Variants in NELL1 observed in about 807,000 individuals in gnomAD.
NELL1 encodes neural EGFL like 1.
In NELL1, 76 loss-of-function variants were observed where a neutral mutation model predicts 107.4. That is an observed-to-expected ratio of 0.71 (90% confidence interval 0.59 to 0.86). The LOEUF (loss-of-function observed/expected upper bound fraction) is 0.86, where lower values mean the gene tolerates loss of function less well. NELL1 is among the 40% of genes least tolerant of loss of function. The pLI, the probability that NELL1 is intolerant of heterozygous loss-of-function variation, is 0.00. For missense variants in NELL1, 1,024 were observed against 1,005.5 expected (o/e 1.02, Z -0.25); for synonymous variants, 353 against 341.2 (o/e 1.03, Z -0.38).
At chr11:21,149,410 G>A (rs971905492) in intron 13 of NELL1, among the ~76,000 whole-genome samples, 4 of 152,340 alleles carry the variant, frequency 2.6e-5, no homozygotes, top group East Asian at 1.9e-4. Flanking sequence ...ATGGTGGAAG[G>A]CAAAGGAGGA....
intron 3 of NELL1, among the ~76,000 whole-genome samples, chr11:20,814,207 G>A (rs1468451168): frequency 1.3e-5 from 2 of 152,094 alleles, no homozygotes; most frequent in Non-Finnish European, 1.5e-5. Context: ...TGTTAGCCAG[G>A]ATGGTCTCGA....
At chr11:21,195,192 A>G (rs1231097605) in intron 13 of NELL1, among the ~76,000 whole-genome samples, 2 of 152,196 alleles carry the variant, frequency 1.3e-5, no homozygotes, top group African/African-American at 4.8e-5. Flanking sequence ...TACATGCTTA[A>G]GAAATTATTG....
chr11:21,537,436 G>A (rs1235944500), intron 16 of NELL1, among the ~76,000 whole-genome samples: 1 of 151,978 alleles, frequency 6.6e-6, no homozygotes, highest in African/African-American at 2.4e-5. Flanking sequence ...TGCCTTTACT[G>A]TTCTCTCTGT....
At chr11:21,274,757 G>A (rs1270546310) in intron 14 of NELL1, among the ~76,000 whole-genome samples, 17 of 152,194 alleles carry the variant, frequency 1.1e-4, no homozygotes, top group Non-Finnish European at 1.5e-4. Context: ...ACTCAAAACC[G>A]CTCAACTACA....
At chr11:21,312,657 T>A (rs1849774655) in intron 14 of NELL1, among the ~76,000 whole-genome samples, 1 of 151,884 alleles carries the variant, frequency 6.6e-6, no homozygotes, top group African/African-American at 2.4e-5. Context: ...AATGTAAGTC[T>A]GTAGATTAAG....
At chr11:21,145,121 G>A (rs1348390005) in intron 13 of NELL1, among the ~76,000 whole-genome samples, 2 of 152,114 alleles carry the variant, frequency 1.3e-5, no homozygotes, top group African/African-American at 4.8e-5. Flanking sequence ...TATATGTGTT[G>A]TTTATTATTA....
chr11:20,815,338 A>G (rs1429253358), intron 3 of NELL1, among the ~76,000 whole-genome samples: 2 of 152,070 alleles, frequency 1.3e-5, no homozygotes, highest in African/African-American at 4.8e-5. Flanking sequence ...CACCCGCCTC[A>G]GCCTCCCAAA....
At chr11:20,834,458 C>G (rs1379937165) in intron 3 of NELL1, among the ~76,000 whole-genome samples, 2 of 152,038 alleles carry the variant, frequency 1.3e-5, no homozygotes, top group African/African-American at 4.8e-5. Flanking sequence ...GAAGACAGGT[C>G]TAGACTGGAG....
At chr11:20,702,314 T>C (rs1272150039) in intron 2 of NELL1, among the ~76,000 whole-genome samples, 1 of 152,220 alleles carries the variant, frequency 6.6e-6, no homozygotes, top group Non-Finnish European at 1.5e-5. Flanking sequence ...TCTGTTTGTC[T>C]GTTATTGGTG....
At chr11:20,753,965 T>G (rs891608651) in intron 2 of NELL1, among the ~76,000 whole-genome samples, 5 of 152,238 alleles carry the variant, frequency 3.3e-5, no homozygotes, top group African/African-American at 4.8e-5. Flanking sequence ...TCTCATTGGT[T>G]TGTCATGGGG....
At chr11:21,099,369 G>A (rs1854746819) in intron 12 of NELL1, among the ~76,000 whole-genome samples, 1 of 152,078 alleles carries the variant, frequency 6.6e-6, no homozygotes, top group Non-Finnish European at 1.5e-5. Context: ...TCAGCAGGGA[G>A]CAGCAGTCCA....
intron 15 of NELL1, among the ~76,000 whole-genome samples, chr11:21,397,712 A>G (rs1852012138): frequency 6.6e-6 from 1 of 151,688 alleles, no homozygotes; most frequent in Non-Finnish European, 1.5e-5. Flanking sequence ...CCTAAAATGT[A>G]TGTGTTTAAA....
chr11:21,332,392 G>GA (rs1850291727), intron 14 of NELL1, among the ~76,000 whole-genome samples: 1 of 151,898 alleles, frequency 6.6e-6, no homozygotes, highest in Non-Finnish European at 1.5e-5. Flanking sequence ...GCCCTGTTTA[G>GA]AGTTGCTTAT....
intron 14 of NELL1, among the ~76,000 whole-genome samples, chr11:21,353,077 T>C (rs1229960696): frequency 6.6e-6 from 1 of 152,156 alleles, no homozygotes; most frequent in Non-Finnish European, 1.5e-5. Context: ...GCTCTCCAGT[T>C]GGGCAGAAAG....
At chr11:21,549,589 T>C (rs1856526839) in intron 16 of NELL1, among the ~76,000 whole-genome samples, 1 of 151,826 alleles carries the variant, frequency 6.6e-6, no homozygotes, top group Non-Finnish European at 1.5e-5. Flanking sequence ...AGTGAATTTA[T>C]AAAGAGACTC....
intron 14 of NELL1, among the ~76,000 whole-genome samples, chr11:21,356,108 A>G (rs75080832): frequency 6.6e-6 from 1 of 152,024 alleles, no homozygotes; most frequent in Non-Finnish European, 1.5e-5. Context: ...TTTTTCTCCT[A>G]TCACTTGCTA....
intron 2 of NELL1, among the ~76,000 whole-genome samples, chr11:20,680,959 A>AT (rs1854176389): frequency 6.6e-6 from 1 of 152,060 alleles, no homozygotes; most frequent in Admixed American, 6.6e-5. Context: ...GTCCTAGATA[A>AT]TGCTGTCTCT....
intron 13 of NELL1, among the ~76,000 whole-genome samples, chr11:21,199,910 T>A (rs1205186411): frequency 2.6e-5 from 4 of 151,982 alleles, no homozygotes; most frequent in Non-Finnish European, 4.4e-5. Context: ...GGTTTTCTGT[T>A]CTTGTGTTAG....
chr11:21,008,523 T>C (rs139799019), intron 12 of NELL1, among the ~76,000 whole-genome samples: 14 of 152,120 alleles, frequency 9.2e-5, no homozygotes, highest in African/African-American at 2.9e-4. Flanking sequence ...TTTAGAATCA[T>C]AGTAGGTGCT....
Sources: gnomAD v4.1 joint callset for allele counts (sites outside exome capture counted in the v4.1 genomes callset) on GRCh38, gnomAD v4.1.1 for gene constraint, MANE v1.5 for transcripts, NCBI Gene and HGNC (gene_info 2026-07-23, HGNC 2026-07-21) for gene names.